Variants in EFHC2 observed in about 807,000 individuals in gnomAD.
EFHC2 encodes the protein EF-hand domain-containing family member C2.
A neutral mutation model predicts 52.7 loss-of-function variants in EFHC2; 18 were observed. That is an observed-to-expected ratio of 0.34 (90% CI 0.24 to 0.51). The LOEUF (loss-of-function observed/expected upper bound fraction) is 0.51, where lower values mean the gene tolerates loss of function less well. Among genes scored for constraint, EFHC2 ranks in the 20% least tolerant of loss-of-function variants. The pLI, the probability that EFHC2 is intolerant of heterozygous loss-of-function variation, is 0.97. For missense variants in EFHC2, 513 were observed against 562.5 expected (o/e 0.91, Z 0.89); for synonymous variants, 203 against 204.1 (o/e 0.99, Z 0.04).
chrX:44,167,777 A>C (rs912419806), intron 13 of EFHC2, among the ~76,000 whole-genome samples: 5 of 111,707 alleles, frequency 4.5e-5, no homozygotes, highest in Non-Finnish European at 9.4e-5. Flanking sequence ...GGCACAAGGG[A>C]GAAAAGAACA....
intron 2 of EFHC2, among the ~76,000 whole-genome samples, chrX:44,283,418 G>A (rs757478966): frequency 2.4e-4 from 27 of 111,491 alleles, no homozygotes; most frequent in Admixed American, 7.6e-4. Context: ...TCCTGACCTC[G>A]TGATCCGCCC....
At chrX:44,275,778 C>T (rs1248513264) in intron 2 of EFHC2, among the ~76,000 whole-genome samples, 1 of 108,061 alleles carries the variant, frequency 9.3e-6, no homozygotes, top group African/African-American at 3.4e-5. Flanking sequence ...GCCGTGCGTG[C>T]TGGCACATGC....
At position 44,279,794 on chromosome X, in the gene EFHC2, A is replaced by G. The variant is rs188485222; in HGVS notation, c.232-6958T>C. Among the ~76,000 whole-genome samples the G allele has an allele frequency of 4.6e-3, 507 of 111,192 alleles. 1 individual carries two copies. Among genetic ancestry groups the G allele is most frequent in the Non-Finnish European group, 6.5e-3 (343 of 53,104 alleles). On this transcript the variant is annotated intron_variant, in intron 2 of 14. Transcript: ENST00000420999. ...AATGAATTTGTTCCAACTTTCAAGG[A>G]AAAGAAAATTACCAAATTATATAAC...
At chrX:44,340,223 G>T (rs1467134328) in intron 1 of EFHC2, among the ~76,000 whole-genome samples, 2 of 111,440 alleles carry the variant, frequency 1.8e-5, no homozygotes, top group Admixed American at 9.6e-5. Flanking sequence ...GAAGGAAAAG[G>T]CCAATCACAG....
At chrX:44,337,712 G>A (rs1043029109) in intron 1 of EFHC2, among the ~76,000 whole-genome samples, 8 of 111,906 alleles carry the variant, frequency 7.1e-5, no homozygotes, top group African/African-American at 1.9e-4. Flanking sequence ...ACATAAATTC[G>A]GAACTGGCCA....
intron 12 of EFHC2, among the ~76,000 whole-genome samples, chrX:44,177,341 G>A (rs2036795166): frequency 9.0e-6 from 1 of 111,229 alleles, no homozygotes; most frequent in South Asian, 3.8e-4. Flanking sequence ...ACAAACTATG[G>A]GACCTACACA....
intron 2 of EFHC2, among the ~76,000 whole-genome samples, chrX:44,279,061 G>C (rs2037682395): frequency 8.9e-6 from 1 of 112,211 alleles, no homozygotes; most frequent in South Asian, 3.6e-4. Flanking sequence ...AGCTTTTAAG[G>C]CCGGGCGCAG....
intron 11 of EFHC2, among the ~76,000 whole-genome samples, chrX:44,180,105 A>G (rs1262564836): frequency 1.8e-5 from 2 of 111,822 alleles, no homozygotes; most frequent in Non-Finnish European, 3.8e-5. Flanking sequence ...GCTCTTGCCT[A>G]CTACTCTATC....
rs565687071 is a variant in EFHC2 at position 44,222,550 on chromosome X, G to A, written c.1751+7099C>T. Reference sequence around the variant, plus strand: ...TCAGAGATTGCAAAAGTAGCCAAGCGTAGGGGAGGGCTTTGCCTCTTGTTT... The same window carrying A: ...TCAGAGATTGCAAAAGTAGCCAAGCATAGGGGAGGGCTTTGCCTCTTGTTT... On this transcript the variant is annotated intron_variant, in intron 11 of 14. Transcript: ENST00000420999. Among the ~76,000 whole-genome samples the A allele has an allele frequency of 1.7e-4, 19 of 111,814 alleles. No individual in the cohort carries two copies. The South Asian group carries it at 5.6e-3, about 33-fold the overall frequency.
At chrX:44,321,731 G>A (rs765787273) in intron 1 of EFHC2, among the ~76,000 whole-genome samples, 11 of 111,496 alleles carry the variant, frequency 9.9e-5, no homozygotes, top group African/African-American at 3.3e-4. Context: ...CCCCTGATTT[G>A]GCAACATGGA....
rs1374368276 is a variant in EFHC2 at position 44,242,168 on chromosome X, C to T, written c.1233G>A (p.Lys411=). 1 of 1,205,559 alleles carries T rather than the reference C, an allele frequency of 8.3e-7. No homozygotes were observed. ...EDSLRNCIDL[K]PTPHRRNFKK... is the part of the protein sequence containing the mutation. ...TGAAGTTCCTCCGATGAGGTGTGGG[C>T]TTGAGGTCTATGCAGTTACGGAGAG... Residue 411 remains lysine (K), a synonymous_variant, in exon 8 of 15, where the codon AAG becomes AAA. Transcript: ENST00000420999.
chrX:44,327,984 C>G (rs1194556748), intron 1 of EFHC2, among the ~76,000 whole-genome samples: 1 of 111,826 alleles, frequency 8.9e-6, no homozygotes, highest in Non-Finnish European at 1.9e-5. Context: ...TCAATAAGAT[C>G]TGGAGATCTG....
At chrX:44,329,984 C>T (rs778433891) in intron 1 of EFHC2, among the ~76,000 whole-genome samples, 14 of 105,765 alleles carry the variant, frequency 1.3e-4, no homozygotes, top group Admixed American at 8.4e-4. Context: ...CACAGTGGCT[C>T]ACACCTGTAA....
chrX:44,231,182 G>A (rs780884353), intron 10 of EFHC2, among the ~76,000 whole-genome samples: 1 of 112,121 alleles, frequency 8.9e-6, no homozygotes, highest in South Asian at 3.7e-4. Context: ...CCTATCAAGA[G>A]AGACCCTGTG....
Position 44,217,239 on chromosome X carries a change from G to A in EFHC2, c.1751+12410C>T, listed in dbSNP as rs373425114. 8.1e-5 allele frequency among the ~76,000 whole-genome samples: 9 copies of A among 111,450 alleles called. No individual in the cohort carries two copies. In the South Asian group the frequency reaches 3.1e-3, roughly 39 times the overall value. ...GGCAATAACAAATGCTGGAGAGGAT[G>A]TGGAGAAAAGAGAACCCTTGTACAC... On this transcript the variant is annotated intron_variant, in intron 11 of 14. Transcript: ENST00000420999.
intron 9 of EFHC2, among the ~76,000 whole-genome samples, chrX:44,234,927 C>T (rs962092870): frequency 1.8e-5 from 2 of 111,555 alleles, no homozygotes; most frequent in African/African-American, 6.5e-5. Context: ...GTAAGTAGGA[C>T]TACCAAGAAT....
intron 1 of EFHC2, among the ~76,000 whole-genome samples, chrX:44,336,419 T>C (rs1294833767): frequency 9.2e-6 from 1 of 109,018 alleles, no homozygotes; most frequent in African/African-American, 3.3e-5. Context: ...AAAGAGGAGA[T>C]ACCACTATAC....
intron 11 of EFHC2, among the ~76,000 whole-genome samples, chrX:44,207,416 T>A (rs1412742007): frequency 9.1e-6 from 1 of 109,810 alleles, no homozygotes; most frequent in Non-Finnish European, 1.9e-5. Context: ...GAGGCTGAGG[T>A]AGGAGAACTG....
intron 1 of EFHC2, among the ~76,000 whole-genome samples, chrX:44,335,450 C>T (rs1569310926): frequency 9.0e-6 from 1 of 111,202 alleles, no homozygotes; most frequent in Non-Finnish European, 1.9e-5. Context: ...GAGTTGGTGA[C>T]TTAACCATAC....
Sources: allele counts gnomAD v4.1 joint callset (sites outside exome capture counted in the v4.1 genomes callset), GRCh38; gene constraint gnomAD v4.1.1; transcripts MANE v1.5; gene names NCBI Gene and HGNC (gene_info 2026-07-23, HGNC 2026-07-21).